The following SH3D19 variants were observed in gnomAD, a reference collection of about 807,000 sequenced individuals.
SH3D19 encodes the protein SH3 domain-containing protein 19.
SH3D19 carries 58 observed loss-of-function variants against 112.1 expected under a neutral mutation model. That is an observed-to-expected ratio of 0.52 (90% confidence interval 0.42 to 0.64). The LOEUF is 0.64. Ranked by LOEUF, SH3D19 falls within the 30% of genes least tolerant of loss-of-function variation. The pLI is 0.00. For missense variants in SH3D19, 1,090 were observed against 1,263.4 expected, an observed-to-expected ratio of 0.86 and a Z score of 2.08; for synonymous variants, 391 against 448.5, an observed-to-expected ratio of 0.87 and a Z score of 1.62.
intron 9 of SH3D19, among the ~76,000 whole-genome samples, chr4:151,157,138 G>C (rs1285527384): frequency 1.3e-5 from 2 of 152,064 alleles, no homozygotes; most frequent in Non-Finnish European, 2.9e-5. Context: ...TATAGTTCCA[G>C]CTACTCAGGA....
chr4:151,316,254 T>C (rs1350075841), intron 1 of SH3D19, among the ~76,000 whole-genome samples: 1 of 152,158 alleles, frequency 6.6e-6, no homozygotes, highest in African/African-American at 2.4e-5. Flanking sequence ...ATGTGACCAG[T>C]ACTCTTCAAA....
chr4:151,310,111 C>T (rs546622054), intron 1 of SH3D19, among the ~76,000 whole-genome samples: 17 of 150,554 alleles, frequency 1.1e-4, no homozygotes, highest in Admixed American at 3.3e-4. Flanking sequence ...TGGTGGCTCA[C>T]GCCTGTAATC....
At chr4:151,209,218 A>G (rs937202689) in intron 2 of SH3D19, among the ~76,000 whole-genome samples, 3 of 151,804 alleles carry the variant, frequency 2.0e-5, no homozygotes, top group African/African-American at 4.8e-5. Context: ...TACTTCACAC[A>G]CTATCCCACA....
intron 1 of SH3D19, chr4:151,300,424 A>T (rs1054905510): frequency 1.3e-5 from 2 of 152,158 alleles, no homozygotes; most frequent in Non-Finnish European, 2.9e-5. Context: ...AATTTCTAGA[A>T]GATTATATTT....
intron 9 of SH3D19, among the ~76,000 whole-genome samples, chr4:151,151,088 G>A (rs1754986452): frequency 6.6e-6 from 1 of 151,330 alleles, no homozygotes; most frequent in Admixed American, 6.6e-5. Context: ...AGCTTCCCGA[G>A]TGGCTGAGAC....
In SH3D19 at chr4:151,265,780, T is replaced by A. The variant is rs188828115; in HGVS notation, c.113-39694A>T. 9.5e-4 allele frequency among the ~76,000 whole-genome samples: 145 copies of A among 152,090 alleles called. 1 individual carries two copies. The highest frequency in any genetic ancestry group is 7.3e-3 in the Admixed American group (111 of 15,278). On this transcript the variant is annotated intron_variant, in intron 1 of 19. Transcript: ENST00000604030. ...TTTGTAGAGACATGGGGTTTCTCCA[T>A]GTTGCCCTTGCCCAGGTTGGTAATG...
At chr4:151,253,403 T>C (rs926865636) in intron 1 of SH3D19, among the ~76,000 whole-genome samples, 1 of 152,212 alleles carries the variant, frequency 6.6e-6, no homozygotes, top group Non-Finnish European at 1.5e-5. Flanking sequence ...TTAAAAGTTA[T>C]GCCCCACTCC....
At chr4:151,216,591 G>A (rs996157137) in intron 2 of SH3D19, among the ~76,000 whole-genome samples, 1 of 152,172 alleles carries the variant, frequency 6.6e-6, no homozygotes, top group East Asian at 1.9e-4. Flanking sequence ...AGGGCCAGGA[G>A]TTCCATGCGC....
intron 1 of SH3D19, among the ~76,000 whole-genome samples, chr4:151,273,560 A>G (rs1461816638): frequency 7.5e-6 from 1 of 134,172 alleles, no homozygotes; most frequent in African/African-American, 2.8e-5. Context: ...ACTGCACTCC[A>G]GCCTGGGCGA....
At chr4:151,125,845 C>A (rs200888793) in intron 19 of SH3D19, among the ~76,000 whole-genome samples, 3,546 of 94,212 alleles carry the variant, frequency 0.038, 2 homozygotes, top group South Asian at 0.044. Context: ...ATCTCAAAAA[C>A]AAAAAAAAAA....
At chr4:151,270,378 C>T (rs1773149141) in intron 1 of SH3D19, among the ~76,000 whole-genome samples, 1 of 152,170 alleles carries the variant, frequency 6.6e-6, no homozygotes, top group Non-Finnish European at 1.5e-5. Flanking sequence ...CTCTCTCTTG[C>T]TTTCACCATG....
rs1749881325 is a variant in SH3D19 at position 151,128,350 on chromosome 4, T to G, written c.2749A>C (p.Ser917Arg). The part of the protein sequence containing the change: ...EDSGSNSQVN[S>R]LPAEWCEALH... ...GCTTCACACCATTCTGCCGGAAGACTGTTAACCTGTTATCAAATTAGAGGT... is the reference window on the plus strand; with the variant it reads ...GCTTCACACCATTCTGCCGGAAGACGGTTAACCTGTTATCAAATTAGAGGT... Residue 917 changes from serine (S) to arginine (R), a missense_variant, in exon 18 of 20, where the codon AGT becomes CGT. Physicochemically the swap from Ser to Arg is moderately radical, Grantham distance 110 (BLOSUM62 -1). Coordinates refer to ENST00000604030, the MANE Select transcript of SH3D19 (RefSeq NM_001378122.1). The G allele has an allele frequency of 2.5e-6, 4 of 1,612,612 alleles. No homozygotes were observed. The highest frequency in any genetic ancestry group is 1.7e-5 in the Admixed American group (1 of 59,804).
intron 1 of SH3D19, among the ~76,000 whole-genome samples, chr4:151,255,922 G>A (rs1771865942): frequency 6.6e-6 from 1 of 151,610 alleles, no homozygotes; most frequent in African/African-American, 2.4e-5. Context: ...AGGCTGTCAG[G>A]AGAATCAGGC....
At chr4:151,280,522 A>G (rs983389988) in intron 1 of SH3D19, among the ~76,000 whole-genome samples, 2 of 152,240 alleles carry the variant, frequency 1.3e-5, no homozygotes, top group Non-Finnish European at 2.9e-5. Context: ...TATGAGATAA[A>G]TATTTGTTGT....
intron 2 of SH3D19, among the ~76,000 whole-genome samples, chr4:151,198,419 A>C (rs1763879558): frequency 6.9e-6 from 1 of 143,968 alleles, no homozygotes; most frequent in Non-Finnish European, 1.5e-5. Context: ...ATATTATATA[A>C]AATATATATT....
At chr4:151,289,861 C>T (rs1775154137) in intron 1 of SH3D19, among the ~76,000 whole-genome samples, 1 of 152,214 alleles carries the variant, frequency 6.6e-6, no homozygotes, top group Admixed American at 6.5e-5. Flanking sequence ...AGAAGGATCG[C>T]TTCAGCCCAA....
chr4:151,161,594 C>T (rs1757151761), intron 8 of SH3D19, among the ~76,000 whole-genome samples: 2 of 150,260 alleles, frequency 1.3e-5, no homozygotes, highest in Admixed American at 1.3e-4. Flanking sequence ...AGAAAGTCCT[C>T]CTCACTTTGT....
intron 2 of SH3D19, among the ~76,000 whole-genome samples, chr4:151,198,483 G>A (rs956496958): frequency 1.0e-4 from 15 of 143,196 alleles, no homozygotes; most frequent in East Asian, 4.0e-4. Context: ...AAATATATAC[G>A]TATCTTTCAA....
At chr4:151,144,409 C>A (rs774521039) in intron 11 of SH3D19, 2 of 845,618 alleles carry the variant, frequency 2.4e-6, no homozygotes, top group South Asian at 2.9e-5. Context: ...GCTAAACTCA[C>A]CTGGCTTCAT....
Sources: allele counts gnomAD v4.1 joint callset (sites outside exome capture counted in the v4.1 genomes callset), GRCh38; gene constraint gnomAD v4.1.1; transcripts MANE v1.5; gene names NCBI Gene and HGNC (gene_info 2026-07-23, HGNC 2026-07-21).